Variants in SYK observed in about 807,000 individuals in gnomAD.
The protein encoded by SYK is spleen associated tyrosine kinase.
Under a neutral mutation model 77.8 loss-of-function variants are expected in SYK, and 16 were observed. The ratio of observed to expected loss-of-function variants is 0.21; its 90% CI spans 0.14 to 0.31. SYK has a LOEUF of 0.31. SYK is among the 10% of genes least tolerant of loss of function. The pLI, the probability that SYK is intolerant of heterozygous loss-of-function variation, is 1.00. For synonymous variants in SYK, 312 were observed against 308.7 expected (o/e 1.01, Z -0.11); for missense variants, 529 against 814.4 (o/e 0.65, Z 4.26).
intron 1 of SYK, among the ~76,000 whole-genome samples, chr9:90,832,016 G>A (rs1214183560): frequency 6.6e-6 from 1 of 152,174 alleles, no homozygotes; most frequent in Non-Finnish European, 1.5e-5. Flanking sequence ...TGAGTTCAAG[G>A]TTAATGAATC....
chr9:90,824,918 A>G (rs1825621442), intron 1 of SYK, among the ~76,000 whole-genome samples: 1 of 152,188 alleles, frequency 6.6e-6, no homozygotes, highest in South Asian at 2.1e-4. Flanking sequence ...AAAAGAAGAA[A>G]TAAGACATCT....
At chr9:90,890,598 G>C (rs539096224) in intron 13 of SYK, among the ~76,000 whole-genome samples, 1 of 152,362 alleles carries the variant, frequency 6.6e-6, no homozygotes, top group African/African-American at 2.4e-5. Context: ...AGTTCTGCAG[G>C]CTTGGAGGAG....
intron 1 of SYK, among the ~76,000 whole-genome samples, chr9:90,821,721 A>G (rs1341759553): frequency 6.6e-6 from 1 of 152,144 alleles, no homozygotes; most frequent in Non-Finnish European, 1.5e-5. Context: ...TATTATAAGT[A>G]AGTGTCTTTT....
chr9:90,836,732 C>T (rs1253759704), intron 1 of SYK, among the ~76,000 whole-genome samples: 3 of 152,114 alleles, frequency 2.0e-5, no homozygotes, highest in Non-Finnish European at 4.4e-5. Context: ...AGTGCAATAC[C>T]GTACAACCTG....
Position 90,829,500 on chromosome 9 carries a change from T to C in SYK, c.-41-14358T>C, listed in dbSNP as rs78667868. ...AAGAACTAGAATCTGCAGGTGGCTT[T>C]GGCCAGTCCCACTTAGAGGCAAGAA... is the stretch of plus-strand genomic sequence containing the variant. On this transcript the variant is annotated intron_variant, in intron 1 of 13. Coordinates refer to ENST00000375754, the MANE Select transcript of SYK (RefSeq NM_003177.7). Among the ~76,000 whole-genome samples the C allele has an allele frequency of 5.0e-3, 757 of 152,274 alleles. 16 individuals carry two copies. The highest frequency in any genetic ancestry group is 0.046 in the South Asian group (223 of 4,826).
intron 1 of SYK, among the ~76,000 whole-genome samples, chr9:90,827,078 A>T (rs1461512703): frequency 2.0e-5 from 3 of 151,984 alleles, no homozygotes; most frequent in African/African-American, 4.8e-5. Flanking sequence ...ACATGTTATG[A>T]TGTAGGACTT....
chr9:90,807,892 T>A (rs978238910), intron 1 of SYK, among the ~76,000 whole-genome samples: 6 of 152,210 alleles, frequency 3.9e-5, no homozygotes, highest in African/African-American at 1.4e-4. Flanking sequence ...TGTGCATTCA[T>A]GTGTGCATGT....
chr9:90,884,712 C>T (rs367935327), intron 11 of SYK, among the ~76,000 whole-genome samples: 1 of 34,286 alleles, frequency 2.9e-5, no homozygotes, highest in Admixed American at 3.1e-4. Context: ...TGTACATATA[C>T]ACATATACAC....
intron 1 of SYK, among the ~76,000 whole-genome samples, chr9:90,813,808 C>A (rs1290706604): frequency 1.3e-5 from 2 of 152,124 alleles, no homozygotes; most frequent in Non-Finnish European, 2.9e-5. Flanking sequence ...GTATCATAAG[C>A]AAATAAGCTG....
Position 90,895,416 on chromosome 9 carries a change from G to A in SYK, c.1836-112G>A. On this transcript the variant is annotated intron_variant, in intron 13 of 13. Transcript: ENST00000375754. This position sits in a 1 kb window ranked among gnomAD's most constrained non-coding sequence, Gnocchi z 4.4. ...CACGCTGTGAGCTGCAGGCCCTAGA[G>A]TTAGCCACCAGGGAGCAGCACCACT... 8.8e-7 allele frequency: 1 copy of A among 1,138,618 alleles called. No individual in the cohort carries two copies. Among genetic ancestry groups the A allele is most frequent in the Admixed American group, 1.8e-5 (1 of 56,816 alleles). The allele number at this position is 1,138,618 out of a possible 1,614,324, so 70.5% of individuals were successfully genotyped here. A position where few individuals can be genotyped will look rare whatever the true frequency, so the allele number is the denominator to read the frequency against.
rs1024895493 is a variant in SYK at position 90,896,156 on chromosome 9, G to A, written c.*556G>A. 1.3e-5 allele frequency: 3 copies of A among 231,742 alleles called. No individual in the cohort carries two copies. Among genetic ancestry groups the A allele is most frequent in the Non-Finnish European group, 2.5e-5 (3 of 117,664 alleles). 14.4% of individuals were successfully genotyped at this position (231,742 alleles called of 1,614,324 possible). On this transcript the variant is annotated 3_prime_UTR_variant, in exon 14 of 14. Transcript: ENST00000375754. ...AGGCTTTAAAAAGAAAATCAAGTTT[G>A]ACCAGTGCAGTTTCTAAGCATGTAG...
At chr9:90,864,433 C>G (rs1432103330) in intron 4 of SYK, among the ~76,000 whole-genome samples, 156 bp from the exon 5 acceptor site, 1 of 152,238 alleles carries the variant, frequency 6.6e-6, no homozygotes, top group Non-Finnish European at 1.5e-5. Context: ...GGCCCACTTC[C>G]CCAGCCACCC....
chr9:90,849,038 G>C (rs3827823), intron 3 of SYK, among the ~76,000 whole-genome samples: 8,630 of 152,268 alleles, frequency 0.057, 440 homozygotes, highest in East Asian at 0.22. Flanking sequence ...GTCACTGGCA[G>C]AGAGTGAGTG....
chr9:90,828,239 C>T lies in SYK; in HGVS notation c.-41-15619C>T, dbSNP rs1312160777. On this transcript the variant is annotated intron_variant, in intron 1 of 13. Transcript: ENST00000375754. ...GTCTGCTGTGGCCTCACCCCCGCCC[C>T]CCCCCCCGCCCCGCCCAGGCCTTCA... Among the ~76,000 whole-genome samples, 25 of 95,316 alleles carry T rather than the reference C, an allele frequency of 2.6e-4. 2 individuals carry two copies. Among genetic ancestry groups the T allele is most frequent in the African/African-American group, 8.7e-4 (25 of 28,852 alleles). The allele number at this position is 95,316 out of a possible 152,430, so 62.5% of individuals were successfully genotyped here.
chr9:90,848,771 A>G (rs562125413), intron 3 of SYK, among the ~76,000 whole-genome samples: 4 of 152,354 alleles, frequency 2.6e-5, no homozygotes, highest in African/African-American at 9.6e-5. Flanking sequence ...ACCTGCCCTC[A>G]TGGACCCTGC....
At chr9:90,845,712 A>G in intron 3 of SYK, 118 bp downstream of exon 3, 9 of 1,141,212 alleles carry the variant, frequency 7.9e-6, no homozygotes, top group African/African-American at 1.6e-5. Flanking sequence ...ATGCATTGCC[A>G]TTTGACAACA....
At chr9:90,874,490 G>GTC (rs1827853326) in intron 8 of SYK, among the ~76,000 whole-genome samples, 182 bp from the exon 9 acceptor site, 1 of 152,178 alleles carries the variant, frequency 6.6e-6, no homozygotes, top group African/African-American at 2.4e-5. Context: ...GAATGAAATG[G>GTC]TCTTTCCCAC....
At position 90,887,501 on chromosome 9, in the gene SYK, G is replaced by T. The variant is rs1163482906; in HGVS notation, c.1582-248G>T. ...GATCACTGCAACCTCTGCCTTCTGG[G>T]TTCAAGCAATTCTCCTGCCTCAGCC... is the stretch of plus-strand genomic sequence containing the variant. On this transcript the variant is annotated intron_variant, in intron 11 of 13. Coordinates refer to ENST00000375754, the MANE Select transcript of SYK (RefSeq NM_003177.7). Among the ~76,000 whole-genome samples, 4 of 150,320 alleles carry T rather than the reference G, an allele frequency of 2.7e-5. No homozygotes were observed. In the Admixed American group the frequency reaches 2.7e-4, roughly 10 times the overall value.
At chr9:90,867,250 G>T (rs112910205) in intron 7 of SYK, 51 bp downstream of exon 7, 1 of 1,580,544 alleles carries the variant, frequency 6.3e-7, no homozygotes, top group Non-Finnish European at 8.7e-7. Context: ...GGACCAACGC[G>T]CACTCAGCTC....
Sources: allele counts gnomAD v4.1 joint callset (sites outside exome capture counted in the v4.1 genomes callset), GRCh38; gene constraint gnomAD v4.1.1; non-coding constraint Gnocchi (gnomAD v3.1); transcripts MANE v1.5; gene names NCBI Gene and HGNC (gene_info 2026-07-23, HGNC 2026-07-21).